NALCN: variants seen among roughly 807,000 people sequenced by gnomAD.
NALCN encodes the protein sodium leak channel NALCN.
Under a neutral mutation model 225.3 loss-of-function variants are expected in NALCN, and 111 were observed. The ratio of observed to expected loss-of-function variants is 0.49; its 90% CI spans 0.42 to 0.58. The LOEUF is 0.58. Among genes scored for constraint, NALCN ranks in the 20% least tolerant of loss-of-function variants. NALCN has a pLI of 0.00. For missense variants in NALCN, 1,378 were observed against 2,202.4 expected, an observed-to-expected ratio of 0.63 and a Z score of 7.49; for synonymous variants, 764 against 769.0, an observed-to-expected ratio of 0.99 and a Z score of 0.11.
intron 35 of NALCN, among the ~76,000 whole-genome samples, chr13:101,075,085 G>C (rs2033165489): frequency 6.6e-6 from 1 of 151,440 alleles, no homozygotes; most frequent in Admixed American, 6.6e-5. Context: ...CCTAAGCAAT[G>C]GTATAATACT....
At chr13:101,190,555 A>G (rs936951211) in intron 14 of NALCN, among the ~76,000 whole-genome samples, 4 of 152,320 alleles carry the variant, frequency 2.6e-5, no homozygotes, top group Admixed American at 2.6e-4. Flanking sequence ...GTAACTTTTA[A>G]AAGTCAACTC....
At chr13:101,318,620 T>C (rs1594667508) in intron 7 of NALCN, among the ~76,000 whole-genome samples, 1 of 152,184 alleles carries the variant, frequency 6.6e-6, no homozygotes, top group East Asian at 1.9e-4. Flanking sequence ...TTCCCAGATA[T>C]GTGTACTTCA....
intron 9 of NALCN, 46 bp downstream of exon 9, chr13:101,291,944 T>C: frequency 3.8e-6 from 6 of 1,579,954 alleles, no homozygotes; most frequent in Non-Finnish European, 5.2e-6. Flanking sequence ...GGGTGAGACA[T>C]GTGCATGCTC....
intron 3 of NALCN, among the ~76,000 whole-genome samples, chr13:101,388,972 G>A (rs145969311): frequency 1.3e-5 from 2 of 152,302 alleles, no homozygotes; most frequent in East Asian, 1.9e-4. Flanking sequence ...TACACAGAAT[G>A]TGAGCTAGGG....
chr13:101,138,049 G>C (rs986911670), intron 17 of NALCN, among the ~76,000 whole-genome samples: 1 of 152,092 alleles, frequency 6.6e-6, no homozygotes, highest in African/African-American at 2.4e-5. Context: ...CCTCTGCCTG[G>C]GGTGCTTTCT....
chr13:101,209,873 C>A (rs1844222426), intron 13 of NALCN, among the ~76,000 whole-genome samples: 1 of 152,124 alleles, frequency 6.6e-6, no homozygotes, highest in African/African-American at 2.4e-5. Context: ...AATATGCATT[C>A]TTTATTGCCA....
rs2040658339 is a variant in NALCN, at chr13:101,214,582, A to AT, written c.1626+14810_1626+14811insA. ...CCCAGGAAATTCTGGATAAAATGCA[A>AT]AAAGCATCCTTTTAAAGGTGAATAG... On this transcript the variant is annotated intron_variant, in intron 13 of 43. Coordinates refer to ENST00000251127, the MANE Select transcript of NALCN (RefSeq NM_052867.4). 3.3e-5 allele frequency among the ~76,000 whole-genome samples: 5 copies of AT among 152,244 alleles called. No homozygotes were observed. The South Asian group carries it at 8.3e-4, about 25-fold the overall frequency.
At chr13:101,183,675 G>A (rs2039333002) in intron 14 of NALCN, among the ~76,000 whole-genome samples, 1 of 152,108 alleles carries the variant, frequency 6.6e-6, no homozygotes, top group African/African-American at 2.4e-5. Context: ...GATCAGGCTG[G>A]TCTGGAATTC....
At chr13:101,284,419 AATTTTT>A (rs2043270925) in intron 9 of NALCN, among the ~76,000 whole-genome samples, 1 of 152,166 alleles carries the variant, frequency 6.6e-6, no homozygotes, top group African/African-American at 2.4e-5. Flanking sequence ...ATAGGTTGCA[AATTTTT>A]ATTTTTATTT....
At chr13:101,382,503 G>T in intron 3 of NALCN, among the ~76,000 whole-genome samples, 1 of 151,624 alleles carries the variant, frequency 6.6e-6, no homozygotes, top group Admixed American at 6.6e-5. Flanking sequence ...TTAAAAATTG[G>T]GGCCTCACCA....
intron 10 of NALCN, among the ~76,000 whole-genome samples, chr13:101,276,485 C>T (rs912428820): frequency 2.6e-5 from 4 of 152,152 alleles, no homozygotes; most frequent in Non-Finnish European, 5.9e-5. Flanking sequence ...TGTGGTCTTG[C>T]AGTTAAATTT....
At chr13:101,151,048 G>A (rs2037622197) in intron 15 of NALCN, among the ~76,000 whole-genome samples, 1 of 152,058 alleles carries the variant, frequency 6.6e-6, no homozygotes, top group Non-Finnish European at 1.5e-5. Flanking sequence ...AAGCACATTT[G>A]CAAGAATGAA....
intron 6 of NALCN, among the ~76,000 whole-genome samples, chr13:101,359,098 G>A (rs763774588): frequency 1.6e-4 from 25 of 152,134 alleles, no homozygotes; most frequent in Non-Finnish European, 7.4e-5. Flanking sequence ...AAACATAGAT[G>A]ATGGGTTGAC....
intron 9 of NALCN, among the ~76,000 whole-genome samples, chr13:101,286,806 A>T (rs1416492938): frequency 1.3e-5 from 2 of 151,826 alleles, no homozygotes; most frequent in African/African-American, 4.8e-5. Flanking sequence ...GAAACAGCTT[A>T]AACCCATTCC....
At chr13:101,078,514 CTGCCCTAT>C (rs1182371435) in intron 34 of NALCN, among the ~76,000 whole-genome samples, 1 of 152,226 alleles carries the variant, frequency 6.6e-6, no homozygotes, top group African/African-American at 2.4e-5. Context: ...TGTTTAATGA[CTGCCCTAT>C]TGGATTTTGG....
intron 25 of NALCN, among the ~76,000 whole-genome samples, chr13:101,103,904 T>C (rs765393443): frequency 1.3e-4 from 20 of 152,220 alleles, no homozygotes; most frequent in Non-Finnish European, 2.1e-4. Context: ...ACAATCACTT[T>C]AGTTTGCTTT....
intron 1 of NALCN, among the ~76,000 whole-genome samples, chr13:101,400,245 C>T (rs76555862): frequency 3.4e-3 from 517 of 152,130 alleles, no homozygotes; most frequent in Middle Eastern, 0.027. Context: ...TGACCAAGGC[C>T]ATCCAAGCAA....
In NALCN at chr13:101,243,958, C is replaced by T. The variant is rs2041818005; in HGVS notation, c.1267-6036G>A. Among the ~76,000 whole-genome samples the T allele has an allele frequency of 2.2e-5, 2 of 90,674 alleles. 1 individual carries two copies. The highest frequency in any genetic ancestry group is 7.4e-4 in the South Asian group (2 of 2,702). 59.5% of individuals were successfully genotyped at this position (90,674 alleles called of 152,430 possible). ...ACAGGTACTTCCTCTCTAGCACAGG[C>T]TTCTTAGTTCTGGCCTTGCAATGAT... On this transcript the variant is annotated intron_variant, in intron 11 of 43. Coordinates refer to ENST00000251127, the MANE Select transcript of NALCN (RefSeq NM_052867.4).
chr13:101,129,819 C>G (rs1339791649), intron 17 of NALCN, among the ~76,000 whole-genome samples: 1 of 151,632 alleles, frequency 6.6e-6, no homozygotes, highest in Admixed American at 6.6e-5. Flanking sequence ...TTGGCTGCAC[C>G]CATCAACCCG....
Sources: gnomAD v4.1 joint callset for allele counts (sites outside exome capture counted in the v4.1 genomes callset) on GRCh38, gnomAD v4.1.1 for gene constraint, MANE v1.5 for transcripts, NCBI Gene and HGNC (gene_info 2026-07-23, HGNC 2026-07-21) for gene names.